The following PDGFD variants were observed in gnomAD, a reference collection of about 807,000 sequenced individuals.
The protein encoded by PDGFD is platelet-derived growth factor D.
PDGFD carries 30 observed loss-of-function variants against 44.7 expected under a neutral mutation model. The ratio of observed to expected loss-of-function variants is 0.67; its 90% CI spans 0.50 to 0.91. The LOEUF (loss-of-function observed/expected upper bound fraction) is 0.91, where lower values mean the gene tolerates loss of function less well. Among genes scored for constraint, PDGFD ranks in the 40% least tolerant of loss-of-function variants. PDGFD has a pLI of 0.00. For synonymous variants in PDGFD, 173 were observed against 168.4 expected (o/e 1.03, Z -0.21); for missense variants, 445 against 457.8 (o/e 0.97, Z 0.25).
chr11:104,025,381 G>A (rs1234021566), intron 1 of PDGFD, among the ~76,000 whole-genome samples: 1 of 152,146 alleles, frequency 6.6e-6, no homozygotes, highest in East Asian at 1.9e-4. Flanking sequence ...TGAATTGTTT[G>A]ACACTCTAGA....
At chr11:104,054,465 A>C (rs926211109) in intron 1 of PDGFD, among the ~76,000 whole-genome samples, 1 of 152,242 alleles carries the variant, frequency 6.6e-6, no homozygotes, top group African/African-American at 2.4e-5. Context: ...GGAACAAGCA[A>C]CAAAAACACA....
intron 1 of PDGFD, among the ~76,000 whole-genome samples, chr11:104,066,452 A>C (rs1443868008): frequency 6.6e-6 from 1 of 152,120 alleles, no homozygotes; most frequent in Non-Finnish European, 1.5e-5. Flanking sequence ...GTAAAATCTG[A>C]AAAGTGGGAA....
intron 5 of PDGFD, among the ~76,000 whole-genome samples, chr11:103,931,863 G>A (rs1297823670): frequency 6.6e-6 from 1 of 152,164 alleles, no homozygotes; most frequent in African/African-American, 2.4e-5. Flanking sequence ...TAAACTCTTA[G>A]CAGGCATGCA....
At chr11:104,007,920 G>A (rs899651346) in intron 1 of PDGFD, among the ~76,000 whole-genome samples, 2 of 152,186 alleles carry the variant, frequency 1.3e-5, no homozygotes, top group Non-Finnish European at 2.9e-5. Context: ...TGACAAAATA[G>A]GAAGCAAATA....
intron 6 of PDGFD, among the ~76,000 whole-genome samples, chr11:103,912,314 G>A (rs776549678): frequency 6.6e-6 from 1 of 152,290 alleles, no homozygotes; most frequent in Admixed American, 6.5e-5. Flanking sequence ...AAGAGAGTGA[G>A]GGCCAATATT....
At chr11:103,958,852 G>C (rs1858894554) in intron 3 of PDGFD, among the ~76,000 whole-genome samples, 1 of 152,126 alleles carries the variant, frequency 6.6e-6, no homozygotes, top group African/African-American at 2.4e-5. Context: ...ACAGTATGAA[G>C]ATTAAGGCCA....
chr11:103,998,429 C>A (rs1374256341), intron 2 of PDGFD, among the ~76,000 whole-genome samples: 2 of 152,132 alleles, frequency 1.3e-5, no homozygotes, highest in African/African-American at 4.8e-5. Flanking sequence ...TTAATCGTGC[C>A]TTCACAATGA....
intron 1 of PDGFD, among the ~76,000 whole-genome samples, chr11:104,122,628 T>C (rs969885637): frequency 1.6e-4 from 24 of 152,020 alleles, no homozygotes; most frequent in African/African-American, 5.8e-4. Flanking sequence ...CTTAACTTCC[T>C]AGACCATGAG....
chr11:104,131,130 A>G (rs1159870410), intron 1 of PDGFD, among the ~76,000 whole-genome samples: 1 of 152,190 alleles, frequency 6.6e-6, no homozygotes, highest in African/African-American at 2.4e-5. Flanking sequence ...CTTCAAAACA[A>G]TATTAGTTTT....
At chr11:104,124,070 A>G (rs1031702049) in intron 1 of PDGFD, among the ~76,000 whole-genome samples, 12 of 152,194 alleles carry the variant, frequency 7.9e-5, no homozygotes, top group Non-Finnish European at 8.8e-5. Flanking sequence ...AAGCAGTGAG[A>G]TATCGATGTA....
chr11:104,094,925 G>A (rs1415040461), intron 1 of PDGFD, among the ~76,000 whole-genome samples: 1 of 152,090 alleles, frequency 6.6e-6, no homozygotes, highest in Admixed American at 6.6e-5. Context: ...TTTGCATGAT[G>A]TGACCCCTGC....
At chr11:103,910,458 C>T (rs925498956) in intron 6 of PDGFD, among the ~76,000 whole-genome samples, 3 of 152,154 alleles carry the variant, frequency 2.0e-5, no homozygotes, top group Admixed American at 2.0e-4. Context: ...TGAGCTGAAG[C>T]AGGGTGGGGT....
At chr11:104,116,589 A>T (rs999836239) in intron 1 of PDGFD, among the ~76,000 whole-genome samples, 2 of 152,088 alleles carry the variant, frequency 1.3e-5, no homozygotes, top group African/African-American at 4.8e-5. Context: ...AAAAAAAGAA[A>T]ACTACAGACC....
intron 1 of PDGFD, chr11:104,038,797 G>A (rs1860300078): frequency 6.0e-6 from 1 of 167,070 alleles, no homozygotes; most frequent in Non-Finnish European, 1.5e-5. Context: ...AAGTTGTACA[G>A]TGGTGGGAAT....
chr11:104,115,643 C>T (rs1861625650), intron 1 of PDGFD, among the ~76,000 whole-genome samples: 1 of 152,042 alleles, frequency 6.6e-6, no homozygotes, highest in African/African-American at 2.4e-5. Flanking sequence ...TAGTGGTTTA[C>T]ATTCCCACTA....
At chr11:103,945,113 C>T (rs938183518) in intron 4 of PDGFD, among the ~76,000 whole-genome samples, 9 of 152,196 alleles carry the variant, frequency 5.9e-5, no homozygotes, top group Non-Finnish European at 1.2e-4. Context: ...TCTGGAGGCA[C>T]GGTCTTTGTC....
intron 3 of PDGFD, among the ~76,000 whole-genome samples, chr11:103,992,484 T>C (rs1465313047): frequency 6.6e-6 from 1 of 152,234 alleles, no homozygotes; most frequent in Non-Finnish European, 1.5e-5. Context: ...TTCCAATTAT[T>C]ACTCCCATTT....
intron 1 of PDGFD, among the ~76,000 whole-genome samples, chr11:104,031,146 C>T (rs1403494897): frequency 6.6e-6 from 1 of 152,108 alleles, no homozygotes; most frequent in African/African-American, 2.4e-5. Flanking sequence ...CAAATGGGAT[C>T]TAATTAAGCT....
chr11:103,936,946 C>T (rs1858498103), intron 5 of PDGFD, among the ~76,000 whole-genome samples: 1 of 151,914 alleles, frequency 6.6e-6, no homozygotes, highest in South Asian at 2.1e-4. Context: ...CCCACCTCAG[C>T]CTCCTGAGTA....
Sources: gnomAD v4.1 joint callset for allele counts (sites outside exome capture counted in the v4.1 genomes callset) on GRCh38, gnomAD v4.1.1 for gene constraint, MANE v1.5 for transcripts, NCBI Gene and HGNC (gene_info 2026-07-23, HGNC 2026-07-21) for gene names.